The following LRGUK variants were observed in gnomAD, a reference collection of about 807,000 sequenced individuals.
The protein encoded by LRGUK is leucine rich repeats and guanylate kinase domain containing, also known as leucine-rich repeat and guanylate kinase domain-containing protein.
Under a neutral mutation model 76.0 loss-of-function variants are expected in LRGUK, and 65 were observed. That is an observed-to-expected ratio of 0.85 (90% confidence interval 0.70 to 1.05). The LOEUF (loss-of-function observed/expected upper bound fraction) is 1.05. LRGUK is among the 50% of genes least tolerant of loss of function. LRGUK has a pLI of 0.00. For missense variants in LRGUK, 758 were observed against 732.8 expected (o/e 1.03, Z -0.40); for synonymous variants, 268 against 265.6 (o/e 1.01, Z -0.09).
chr7:134,161,033 C>T (rs1054214852), intron 6 of LRGUK, among the ~76,000 whole-genome samples: 1 of 152,066 alleles, frequency 6.6e-6, no homozygotes, highest in African/African-American at 2.4e-5. Context: ...TTAAACTTGT[C>T]TATGCCTCAC....
At position 134,201,467 on chromosome 7, in the gene LRGUK, T is replaced by C. The variant is rs1800765452; in HGVS notation, c.1748-14T>C. 1 of 1,605,330 alleles carries C rather than the reference T, an allele frequency of 6.2e-7. No individual in the cohort carries two copies. Among genetic ancestry groups the C allele is most frequent in the South Asian group, 1.1e-5 (1 of 90,702 alleles). On this transcript the variant is annotated splice_polypyrimidine_tract_variant and intron_variant, in intron 14 of 15. Coordinates refer to ENST00000645682, the Ensembl canonical transcript of LRGUK. ...GTGATCCTGTTGCTTTAAAATGTAC[T>C]CTCTTTGCTGCAGATGATCTGGATG...
chr7:134,189,362 A>C (rs188555317), intron 11 of LRGUK, among the ~76,000 whole-genome samples: 4 of 152,196 alleles, frequency 2.6e-5, no homozygotes, highest in Non-Finnish European at 4.4e-5. Context: ...TGCCTTCACT[A>C]TGAAGCATTT....
chr7:134,247,365 A>G (rs562802420), intron 16 of LRGUK, among the ~76,000 whole-genome samples, 191 bp from the exon 17 acceptor site: 92 of 152,298 alleles, frequency 6.0e-4, no homozygotes, highest in East Asian at 1.9e-4. Context: ...TTATAAATAT[A>G]CTTTGGCTTT....
intron 5 of LRGUK, among the ~76,000 whole-genome samples, chr7:134,157,496 T>C (rs1344655907): frequency 5.3e-5 from 8 of 152,230 alleles, no homozygotes; most frequent in Non-Finnish European, 1.2e-4. Context: ...ACTGATTAAA[T>C]GAGTCAGATA....
chr7:134,173,662 C>T (rs1379668380), intron 7 of LRGUK, among the ~76,000 whole-genome samples: 1 of 151,902 alleles, frequency 6.6e-6, no homozygotes, highest in Non-Finnish European at 1.5e-5. Context: ...GAAACACAAC[C>T]TATACAGAAA....
intron 5 of LRGUK, among the ~76,000 whole-genome samples, chr7:134,150,653 G>GT (rs752989609): frequency 2.6e-5 from 4 of 152,250 alleles, no homozygotes; most frequent in Non-Finnish European, 5.9e-5. Context: ...AACATTCTAT[G>GT]TTTTGGCATG....
chr7:134,129,707 T>C (rs1389635567), intron 1 of LRGUK, among the ~76,000 whole-genome samples: 2 of 151,712 alleles, frequency 1.3e-5, no homozygotes, highest in Admixed American at 1.3e-4. Context: ...TCTCCTGGGC[T>C]CAAGAAATCA....
chr7:134,221,895 CT>C lies in LRGUK; in HGVS notation c.1963del (p.Ser655GlnfsTer23), dbSNP rs776552738. Reference sequence around the variant, plus strand: ...CTACCTCATTAAATTTTGGGCCAAACTTTCAGCCAAAAAAACACCAGCGGTA... The same window carrying C: ...CTACCTCATTAAATTTTGGGCCAAACTTCAGCCAAAAAAACACCAGCGGTA... On this transcript the variant is annotated frameshift_variant, in exon 16 of 20. Coordinates refer to the LRGUK transcript ENST00000285928. LOFTEE classifies it high-confidence loss of function. 1 of 1,593,522 alleles carries C rather than the reference CT, an allele frequency of 6.3e-7. No individual in the cohort carries two copies. The highest frequency in any genetic ancestry group is 1.4e-5 in the African/African-American group (1 of 73,420).
At chr7:134,143,271 A>T in intron 4 of LRGUK, 109 bp downstream of exon 4, 2 of 687,730 alleles carry the variant, frequency 2.9e-6, no homozygotes, top group South Asian at 3.6e-5. Context: ...ATACAGAGGT[A>T]AGCAATGTAA....
chr7:134,261,455 T>A (rs573712370), intron 19 of LRGUK, among the ~76,000 whole-genome samples: 1 of 152,190 alleles, frequency 6.6e-6, no homozygotes, highest in Non-Finnish European at 1.5e-5. Context: ...ATATTCTCTA[T>A]AGATTTTTGA....
chr7:134,147,434 C>CAAAA (rs11431531), intron 4 of LRGUK, among the ~76,000 whole-genome samples: 2 of 101,910 alleles, frequency 2.0e-5, no homozygotes, highest in Admixed American at 1.0e-4. Context: ...GACTCCACCT[C>CAAAA]AAAAAAAAAA....
At chr7:134,146,213 C>T (rs1797964029) in intron 4 of LRGUK, among the ~76,000 whole-genome samples, 1 of 151,878 alleles carries the variant, frequency 6.6e-6, no homozygotes, top group Non-Finnish European at 1.5e-5. Context: ...GCAGAGGTTG[C>T]AGTGGGCCAA....
intron 12 of LRGUK, among the ~76,000 whole-genome samples, chr7:134,195,012 G>T (rs1401108192): frequency 2.6e-5 from 4 of 152,128 alleles, no homozygotes; most frequent in Non-Finnish European, 5.9e-5. Context: ...AACTTAGTGG[G>T]TGGGGGGAAG....
At chr7:134,134,856 A>T (rs1797459584) in intron 1 of LRGUK, among the ~76,000 whole-genome samples, 1 of 152,212 alleles carries the variant, frequency 6.6e-6, no homozygotes, top group Non-Finnish European at 1.5e-5. Flanking sequence ...AATTAGTAGT[A>T]ACAGAAATCG....
intron 18 of LRGUK, among the ~76,000 whole-genome samples, chr7:134,252,832 C>T (rs1802482149): frequency 1.3e-5 from 2 of 152,162 alleles, no homozygotes; most frequent in South Asian, 2.1e-4. Context: ...CCTCCTGGGT[C>T]AAGGACAGGC....
chr7:134,174,966 A>T (rs554401276), intron 8 of LRGUK, among the ~76,000 whole-genome samples: 1 of 152,186 alleles, frequency 6.6e-6, no homozygotes, highest in Admixed American at 6.5e-5. Context: ...AGGTAATAAG[A>T]TTGCAGAACA....
chr7:134,226,665 G>A (rs1222427), intron 16 of LRGUK, among the ~76,000 whole-genome samples: 1,653 of 152,248 alleles, frequency 0.011, 31 homozygotes, highest in African/African-American at 0.038. Flanking sequence ...CATCTACTGG[G>A]TAACCTTACA....
At chr7:134,245,925 A>G (rs879100776) in intron 16 of LRGUK, among the ~76,000 whole-genome samples, 1 of 152,174 alleles carries the variant, frequency 6.6e-6, no homozygotes, top group Non-Finnish European at 1.5e-5. Context: ...GTGAAATGTA[A>G]ATAGGGCTTG....
At chr7:134,160,264 T>G (rs1798668506) in intron 6 of LRGUK, among the ~76,000 whole-genome samples, 1 of 152,122 alleles carries the variant, frequency 6.6e-6, no homozygotes, top group Non-Finnish European at 1.5e-5. Context: ...AAATAAATAA[T>G]CCATGTTGAT....
Sources: gnomAD v4.1 joint callset for allele counts (sites outside exome capture counted in the v4.1 genomes callset) on GRCh38, gnomAD v4.1.1 for gene constraint, MANE v1.5 for transcripts, NCBI Gene and HGNC (gene_info 2026-07-23, HGNC 2026-07-21) for gene names.